Variants in LCLAT1 observed in about 807,000 individuals in gnomAD.
The protein encoded by LCLAT1 is 1-AGP acyltransferase 8.
In LCLAT1, 11 loss-of-function variants were observed where a neutral mutation model predicts 30.7. The observed-to-expected ratio is 0.36, with a 90% CI of 0.23 to 0.59. The LOEUF (loss-of-function observed/expected upper bound fraction) is 0.59, where lower values mean the gene tolerates loss of function less well. Ranked by LOEUF, LCLAT1 falls within the 20% of genes least tolerant of loss-of-function variation. The probability of loss-of-function intolerance (pLI) is 0.77; values close to 1 mark genes in which losing one functional copy is unlikely to be tolerated. For synonymous variants in LCLAT1, 155 were observed against 151.3 expected, an observed-to-expected ratio of 1.02 and a Z score of -0.18; for missense variants, 402 against 458.6, an observed-to-expected ratio of 0.88 and a Z score of 1.13.
chr2:30,520,051 C>T lies in LCLAT1; in HGVS notation c.-4-5536C>T, dbSNP rs145007968. ...GCTAAGTGCGCGGGTTTGTCCTACT[C>T]GAGCTGAACACTTGTCTCTGGGTTC... is the stretch of plus-strand genomic sequence containing the variant. On this transcript the variant is annotated intron_variant, in intron 1 of 5. Coordinates refer to ENST00000379509, the MANE Select transcript of LCLAT1 (RefSeq NM_001002257.3). Among the ~76,000 whole-genome samples the T allele has an allele frequency of 9.7e-3, 1,478 of 152,292 alleles. 7 individuals are homozygous for T. Among genetic ancestry groups the T allele is most frequent in the East Asian group, 0.018 (93 of 5,178 alleles).
At chr2:30,605,697 AAAGGTAT>A (rs1667403700) in intron 5 of LCLAT1, among the ~76,000 whole-genome samples, 1 of 152,200 alleles carries the variant, frequency 6.6e-6, no homozygotes, top group South Asian at 2.1e-4. Flanking sequence ...TTAAAGAAAG[AAAGGTAT>A]AATAGCAGTT....
At chr2:30,497,489 T>C (rs185378925) in intron 1 of LCLAT1, among the ~76,000 whole-genome samples, 2 of 152,330 alleles carry the variant, frequency 1.3e-5, no homozygotes, top group Non-Finnish European at 2.9e-5. Flanking sequence ...TTGTTAAATA[T>C]CTGAAAAACA....
intron 5 of LCLAT1, among the ~76,000 whole-genome samples, chr2:30,624,603 C>T (rs754994060): frequency 6.6e-6 from 1 of 152,150 alleles, no homozygotes; most frequent in Non-Finnish European, 1.5e-5. Context: ...AACACTGGAG[C>T]TCCCAAATTT....
intron 5 of LCLAT1, chr2:30,605,956 C>A (rs1316956020): frequency 1.6e-6 from 2 of 1,227,606 alleles, no homozygotes; most frequent in East Asian, 1.3e-4. Context: ...GCACAGTTCA[C>A]AGGAGGGTTC....
intron 1 of LCLAT1, among the ~76,000 whole-genome samples, chr2:30,511,678 T>A (rs1258830228): frequency 1.3e-5 from 2 of 152,198 alleles, no homozygotes; most frequent in Non-Finnish European, 2.9e-5. Context: ...AGCATGTATA[T>A]GGTCACTTAA....
rs760622200 is a variant in LCLAT1, at chr2:30,461,770, C to CCTTT, written c.-5+14387_-5+14388insCTTT. Among the ~76,000 whole-genome samples the CCTTT allele has an allele frequency of 5.7e-4, 75 of 131,718 alleles. 1 individual carries two copies. The highest frequency in any genetic ancestry group is 4.1e-3 in the Middle Eastern group (1 of 244). The allele number at this position is 131,718 out of a possible 152,430, so 86.4% of individuals were successfully genotyped here. A position where few individuals can be genotyped will look rare whatever the true frequency, so the allele number is the denominator to read the frequency against. ...TGTGGACCACTTTTTCTAAATTAAACTTTTTTTTTTTTTTTTTTGAGACGG... is the reference window on the plus strand; with the variant it reads ...TGTGGACCACTTTTTCTAAATTAAACCTTTTTTTTTTTTTTTTTTTTTGAGACGG... On this transcript the variant is annotated intron_variant, in intron 1 of 5. Coordinates refer to ENST00000379509, the MANE Select transcript of LCLAT1 (RefSeq NM_001002257.3).
chr2:30,614,394 C>G (rs1423112712), intron 5 of LCLAT1, among the ~76,000 whole-genome samples: 7 of 151,838 alleles, frequency 4.6e-5, no homozygotes, highest in African/African-American at 1.7e-4. Context: ...CTACTTCTTT[C>G]TACACAGACA....
chr2:30,527,098 T>C (rs1216070411), intron 2 of LCLAT1, among the ~76,000 whole-genome samples: 2 of 152,182 alleles, frequency 1.3e-5, no homozygotes, highest in Non-Finnish European at 2.9e-5. Context: ...TTATGTAATA[T>C]TAATCATCAC....
intron 3 of LCLAT1, among the ~76,000 whole-genome samples, chr2:30,545,016 G>T (rs1664332633): frequency 6.6e-6 from 1 of 152,004 alleles, no homozygotes; most frequent in South Asian, 2.1e-4. Flanking sequence ...CCCATTGTAG[G>T]CTCTTAACTA....
At chr2:30,632,347 G>C (rs1035398667) in intron 5 of LCLAT1, among the ~76,000 whole-genome samples, 10 of 152,192 alleles carry the variant, frequency 6.6e-5, no homozygotes, top group African/African-American at 2.4e-4. Context: ...TTCCAATTCT[G>C]AATGCCATGG....
intron 1 of LCLAT1, among the ~76,000 whole-genome samples, chr2:30,481,139 T>C (rs113096751): frequency 2.0e-5 from 3 of 152,292 alleles, no homozygotes; most frequent in African/African-American, 4.8e-5. Flanking sequence ...ATGTGGCCTG[T>C]TGGGGAACCT....
intron 2 of LCLAT1, among the ~76,000 whole-genome samples, chr2:30,530,337 G>C (rs1283411754): frequency 6.6e-6 from 1 of 152,292 alleles, no homozygotes; most frequent in African/African-American, 2.4e-5. Context: ...CTTTATTTCT[G>C]TGTAGTATAT....
intron 4 of LCLAT1, among the ~76,000 whole-genome samples, chr2:30,567,295 G>T (rs7605994): frequency 0.85 from 129,378 of 152,216 alleles, 55,135 homozygotes; most frequent in East Asian, 0.94. Flanking sequence ...TATAAAAATC[G>T]ATTTATGCCT....
At chr2:30,604,070 T>C (rs1440251708) in intron 5 of LCLAT1, among the ~76,000 whole-genome samples, 1 of 152,226 alleles carries the variant, frequency 6.6e-6, no homozygotes, top group Non-Finnish European at 1.5e-5. Flanking sequence ...TAACTATATT[T>C]GGACCATGGA....
chr2:30,461,287 G>A (rs1173743275), intron 1 of LCLAT1, among the ~76,000 whole-genome samples: 1 of 152,204 alleles, frequency 6.6e-6, no homozygotes, highest in Admixed American at 6.5e-5. Context: ...TGGTCTCAGA[G>A]TGCAGTGTGC....
chr2:30,452,974 G>A (rs1681633755), intron 1 of LCLAT1, among the ~76,000 whole-genome samples: 1 of 152,120 alleles, frequency 6.6e-6, no homozygotes, highest in Admixed American at 6.5e-5. Flanking sequence ...GACAACAGAG[G>A]ATTAGCTGCC....
At chr2:30,577,976 C>G (rs1342895515) in intron 5 of LCLAT1, among the ~76,000 whole-genome samples, 1 of 152,114 alleles carries the variant, frequency 6.6e-6, no homozygotes, top group Non-Finnish European at 1.5e-5. Flanking sequence ...ACATACACTA[C>G]ATGGGTATTT....
chr2:30,544,283 G>C (rs1190739752), intron 3 of LCLAT1, among the ~76,000 whole-genome samples: 1 of 152,134 alleles, frequency 6.6e-6, no homozygotes. Context: ...GGGATGATTT[G>C]ACCGATAGGG....
intron 5 of LCLAT1, among the ~76,000 whole-genome samples, chr2:30,634,998 G>A (rs1668956206): frequency 6.6e-6 from 1 of 152,200 alleles, no homozygotes; most frequent in Non-Finnish European, 1.5e-5. Context: ...TGAGAAATCA[G>A]TTCTTCTACC....
Sources: gnomAD v4.1 joint callset for allele counts (sites outside exome capture counted in the v4.1 genomes callset) on GRCh38, gnomAD v4.1.1 for gene constraint, MANE v1.5 for transcripts, NCBI Gene and HGNC (gene_info 2026-07-23, HGNC 2026-07-21) for gene names.